DMD: variants seen among roughly 807,000 people sequenced by gnomAD.
DMD encodes the protein mutant dystrophin.
Under a neutral mutation model 330.1 loss-of-function variants are expected in DMD, and 63 were observed. The ratio of observed to expected loss-of-function variants is 0.19; its 90% CI spans 0.16 to 0.24. The LOEUF (loss-of-function observed/expected upper bound fraction) is 0.24, where lower values mean the gene tolerates loss of function less well. Among genes scored for constraint, DMD ranks in the 10% least tolerant of loss-of-function variants. DMD has a pLI of 1.00. For missense variants in DMD, 3,344 were observed against 2,684.1 expected (o/e 1.25, Z -5.43); for synonymous variants, 1,223 against 959.8 (o/e 1.27, Z -5.07).
chrX:32,280,470 CATATACCT>C (rs1398795603), intron 43 of DMD, among the ~76,000 whole-genome samples: 1 of 110,739 alleles, frequency 9.0e-6, no homozygotes, highest in African/African-American at 3.3e-5. Context: ...TGTATTGGCA[CATATACCT>C]ATACCTGGGT....
At chrX:32,682,877 AT>A (rs2062539058) in intron 9 of DMD, among the ~76,000 whole-genome samples, 1 of 111,894 alleles carries the variant, frequency 8.9e-6, no homozygotes, top group African/African-American at 3.2e-5. Context: ...ACCTTTCAGA[AT>A]TTTCTTTCCC....
intron 11 of DMD, among the ~76,000 whole-genome samples, chrX:32,620,306 A>C (rs1009703448): frequency 8.9e-6 from 1 of 111,852 alleles, no homozygotes; most frequent in African/African-American, 3.2e-5. Context: ...AATTACAGGG[A>C]AACAGGGGAA....
At chrX:33,019,560 C>CTG (rs1374719769) in intron 2 of DMD, among the ~76,000 whole-genome samples, 2 of 111,490 alleles carry the variant, frequency 1.8e-5, no homozygotes, top group African/African-American at 6.5e-5. Context: ...ATATCTTGCT[C>CTG]TGTGTCCACC....
At position 32,346,031 on chromosome X, in the gene DMD, T is replaced by C. The variant is rs1455380131; in HGVS notation, c.5498A>G (p.Asn1833Ser). The change falls in exon 39 of 79, where the codon AAC (asparagine) becomes AGC (serine). Residue 1833 changes from asparagine to serine, a missense_variant. Coordinates refer to ENST00000357033, the MANE Select transcript of DMD (RefSeq NM_004006.3). ...CTCATCTGTGATTCTTTGTTGTAAG[T>C]TGTCTCCTCTTTGCAACAATTCTTT... ...TVKELLQRGD[N>S]LQQRITDERK... 2 of 1,207,603 alleles carry C rather than the reference T, an allele frequency of 1.7e-6. No homozygotes were observed. Among genetic ancestry groups the C allele is most frequent in the Admixed American group, 4.4e-5 (2 of 45,552 alleles).
rs192230675 is a variant in DMD at position 31,190,715 on chromosome X, T to C, written c.9808-7811A>G. The stretch of plus-strand genomic sequence containing the variant: ...AGGGCAGCTTCCCACAACAAAGAAC[T>C]AGAATGATTCGGGCCAAAGCATCAG... On this transcript the variant is annotated intron_variant, in intron 67 of 78. Coordinates refer to ENST00000357033, the MANE Select transcript of DMD (RefSeq NM_004006.3). Among the ~76,000 whole-genome samples the C allele has an allele frequency of 2.2e-3, 226 of 103,078 alleles. 3 individuals carry two copies. The highest frequency in any genetic ancestry group is 7.8e-3 in the African/African-American group (220 of 28,171). The allele number at this position is 103,078 out of a possible 115,157, so 89.5% of individuals were successfully genotyped here. A position where few individuals can be genotyped will look rare whatever the true frequency, so the allele number is the denominator to read the frequency against.
intron 1 of DMD, among the ~76,000 whole-genome samples, chrX:33,080,005 T>C (rs2094904060): frequency 8.9e-6 from 1 of 112,538 alleles, no homozygotes; most frequent in Non-Finnish European, 1.9e-5. Context: ...AATTTCATGT[T>C]CGCATTAGTG....
At chrX:32,761,306 G>A (rs1279192675) in intron 7 of DMD, among the ~76,000 whole-genome samples, 2 of 110,592 alleles carry the variant, frequency 1.8e-5, no homozygotes, top group Non-Finnish European at 3.8e-5. Context: ...AATCGGTGAT[G>A]CTCTTCACAG....
chrX:32,710,611 C>G (rs1200211621), intron 7 of DMD, among the ~76,000 whole-genome samples: 2 of 110,755 alleles, frequency 1.8e-5, no homozygotes, highest in African/African-American at 3.3e-5. Flanking sequence ...TTGGCATACA[C>G]ACTACAAAAT....
chrX:32,419,336 C>T (rs1246819778), intron 29 of DMD, among the ~76,000 whole-genome samples: 2 of 111,913 alleles, frequency 1.8e-5, no homozygotes, highest in Non-Finnish European at 3.8e-5. Context: ...CAAATTAGTT[C>T]ATCCTATTTT....
chrX:31,171,356 G>A (rs1039455811), intron 73 of DMD, among the ~76,000 whole-genome samples: 16 of 111,100 alleles, frequency 1.4e-4, no homozygotes, highest in African/African-American at 1.3e-4. Flanking sequence ...TATTTCTTTT[G>A]GCCTAATCCT....
At chrX:31,122,370 C>T (rs2032793869) in intron 78 of DMD, among the ~76,000 whole-genome samples, 1 of 110,706 alleles carries the variant, frequency 9.0e-6, no homozygotes, top group Admixed American at 9.6e-5. Context: ...TTTTTACTAT[C>T]AATCAAACCA....
intron 9 of DMD, among the ~76,000 whole-genome samples, chrX:32,677,840 G>A (rs941967263): frequency 9.0e-6 from 1 of 111,698 alleles, no homozygotes; most frequent in Non-Finnish European, 1.9e-5. Flanking sequence ...AAATAGTCAC[G>A]ATGTGGGAAC....
chrX:31,988,195 G>C (rs901130353), intron 44 of DMD, among the ~76,000 whole-genome samples: 1 of 110,366 alleles, frequency 9.1e-6, no homozygotes, highest in African/African-American at 3.3e-5. Flanking sequence ...TATTTAAGCC[G>C]GGCATGGTGG....
chrX:32,748,337 C>T (rs1321362318), intron 7 of DMD, among the ~76,000 whole-genome samples: 1 of 97,552 alleles, frequency 1.0e-5, no homozygotes, highest in African/African-American at 3.9e-5. Context: ...CAGAACAAGA[C>T]TCCGTCTCAA....
intron 44 of DMD, among the ~76,000 whole-genome samples, chrX:32,115,687 T>A (rs2096607674): frequency 8.9e-6 from 1 of 111,898 alleles, no homozygotes; most frequent in South Asian, 3.7e-4. Context: ...CCTTGTACCC[T>A]AACTTTTTCC....
At chrX:32,045,516 T>C (rs2096058215) in intron 44 of DMD, among the ~76,000 whole-genome samples, 1 of 110,031 alleles carries the variant, frequency 9.1e-6, no homozygotes, top group African/African-American at 3.3e-5. Context: ...GAATCATGAA[T>C]CGATTAAAGC....
intron 7 of DMD, among the ~76,000 whole-genome samples, chrX:32,737,934 TTGATA>T (rs1407037262): frequency 4.5e-5 from 5 of 111,754 alleles, no homozygotes; most frequent in African/African-American, 9.7e-5. Flanking sequence ...GAAATCTGAT[TTGATA>T]TAACAGGAAT....
At chrX:32,179,458 T>C (rs2096919804) in intron 44 of DMD, among the ~76,000 whole-genome samples, 1 of 111,940 alleles carries the variant, frequency 8.9e-6, no homozygotes, top group Non-Finnish European at 1.9e-5. Context: ...CTAAGCAAAA[T>C]TCAGGAGTTA....
intron 1 of DMD, among the ~76,000 whole-genome samples, chrX:33,252,504 T>C (rs2052787092): frequency 9.0e-6 from 1 of 110,658 alleles, no homozygotes; most frequent in African/African-American, 3.3e-5. Context: ...TTAATGGACA[T>C]GACATTTAAA....
Sources: allele counts gnomAD v4.1 joint callset (sites outside exome capture counted in the v4.1 genomes callset), GRCh38; gene constraint gnomAD v4.1.1; transcripts MANE v1.5; gene names NCBI Gene and HGNC (gene_info 2026-07-23, HGNC 2026-07-21).